Variants in CPLX2 observed in about 807,000 individuals in gnomAD.
CPLX2 encodes complexin-2.
Under a neutral mutation model 16.3 loss-of-function variants are expected in CPLX2, and 5 were observed. The ratio of observed to expected loss-of-function variants is 0.31; its 90% CI spans 0.16 to 0.64. The LOEUF (loss-of-function observed/expected upper bound fraction) is 0.64. Among genes scored for constraint, CPLX2 ranks in the 30% least tolerant of loss-of-function variants. The probability of loss-of-function intolerance (pLI) is 0.79; values close to 1 mark genes in which losing one functional copy is unlikely to be tolerated. For missense variants in CPLX2, 144 were observed against 181.4 expected, an observed-to-expected ratio of 0.79 and a Z score of 1.18; for synonymous variants, 89 against 73.2, an observed-to-expected ratio of 1.22 and a Z score of -1.10.
chr5:175,832,436 T>C (rs1373282870), intron 2 of CPLX2, among the ~76,000 whole-genome samples: 2 of 152,202 alleles, frequency 1.3e-5, no homozygotes, highest in Non-Finnish European at 2.9e-5. Flanking sequence ...TGAGTGTGGG[T>C]TCTTTCTGCC....
At chr5:175,878,848 C>G (rs1581107024) in intron 2 of CPLX2, 60 bp from the exon 3 acceptor site, 2 of 1,607,574 alleles carry the variant, frequency 1.2e-6, no homozygotes, top group East Asian at 2.2e-5. Context: ...CCCGGCCCCT[C>G]TCTCCCCAGC....
upstream of CPLX2, chr5:175,871,464 A>AGAGAGAGAGAGAGAGAGG (rs1759612550): frequency 5.4e-5 from 5 of 93,320 alleles, no homozygotes; most frequent in East Asian, 3.9e-4. Flanking sequence ...AGAGAGAGAG[A>AGAGAGAGAGAGAGAGAGG]GAGAGAGAGA....
chr5:175,818,432 G>A (rs1758447624), intron 2 of CPLX2, among the ~76,000 whole-genome samples: 3 of 152,058 alleles, frequency 2.0e-5, no homozygotes, highest in Non-Finnish European at 2.9e-5. Flanking sequence ...GGAAGGGCGA[G>A]TTGTTTTTCA....
At chr5:175,826,358 G>C (rs1478824746) in intron 2 of CPLX2, among the ~76,000 whole-genome samples, 1 of 152,166 alleles carries the variant, frequency 6.6e-6, no homozygotes, top group African/African-American at 2.4e-5. Flanking sequence ...GGTAGGGCAG[G>C]AGCGCAAGGC....
intron 2 of CPLX2, among the ~76,000 whole-genome samples, chr5:175,851,292 G>T (rs1176741579): frequency 6.6e-6 from 1 of 152,184 alleles, no homozygotes; most frequent in Non-Finnish European, 1.5e-5. Context: ...GTCAGGTCCA[G>T]TTGGGGCCAG....
At chr5:175,811,753 C>G (rs527986938) in intron 2 of CPLX2, among the ~76,000 whole-genome samples, 12 of 152,280 alleles carry the variant, frequency 7.9e-5, no homozygotes, top group African/African-American at 2.4e-4. Flanking sequence ...AGAGGCCTTT[C>G]AGAGAGGACC....
rs115197827 is a variant in CPLX2, at chr5:175,844,412, G to C, written c.-88-34240G>C. ...TACTGTGTACCAGGCACTGCGGTTA[G>C]AGGGGCCAATAGGGACAGACAAGAG... On this transcript the variant is annotated intron_variant, in intron 2 of 4. Transcript: ENST00000359546. Among the ~76,000 whole-genome samples, 1,086 of 152,360 alleles carry C rather than the reference G, an allele frequency of 7.1e-3. 9 individuals carry two copies. The highest frequency in any genetic ancestry group is 0.025 in the African/African-American group (1,028 of 41,582).
chr5:175,798,911 T>A (rs1758039140), intron 1 of CPLX2, among the ~76,000 whole-genome samples: 1 of 152,182 alleles, frequency 6.6e-6, no homozygotes, highest in South Asian at 2.1e-4. Context: ...GATTTTAACA[T>A]CAGTACAACT....
chr5:175,825,847 G>T (rs1380550436), intron 2 of CPLX2, among the ~76,000 whole-genome samples: 2 of 147,454 alleles, frequency 1.4e-5, no homozygotes, highest in African/African-American at 5.1e-5. Context: ...GACCCTGCTG[G>T]ACTTGCCACA....
chr5:175,857,692 T>C (rs1356050470), intron 2 of CPLX2, among the ~76,000 whole-genome samples: 1 of 152,218 alleles, frequency 6.6e-6, no homozygotes, highest in African/African-American at 2.4e-5. Context: ...GAATGTGTAT[T>C]GCTTTCACAC....
rs377563260 is a variant in CPLX2, at chr5:175,811,737, G to A, written c.-89+2669G>A. On this transcript the variant is annotated intron_variant, in intron 2 of 4. Coordinates refer to the CPLX2 transcript ENST00000359546. Reference sequence around the variant, plus strand: ...TTCTGGGGACATTACAGAGTGTCCCGAAGATAGAGGCCTTTCAGAGAGGAC... The same window carrying A: ...TTCTGGGGACATTACAGAGTGTCCCAAAGATAGAGGCCTTTCAGAGAGGAC... Among the ~76,000 whole-genome samples, 12 of 152,134 alleles carry A rather than the reference G, an allele frequency of 7.9e-5. No individual in the cohort carries two copies. In the East Asian group the frequency reaches 9.6e-4, roughly 12 times the overall value.
intron 2 of CPLX2, among the ~76,000 whole-genome samples, chr5:175,829,269 G>C (rs986532987): frequency 2.0e-5 from 3 of 152,258 alleles, no homozygotes; most frequent in African/African-American, 7.2e-5. Context: ...CTGCGGCTCA[G>C]CGAGGCCAGC....
intron 2 of CPLX2, among the ~76,000 whole-genome samples, chr5:175,812,501 T>C (rs1193129414): frequency 6.6e-6 from 1 of 152,044 alleles, no homozygotes; most frequent in East Asian, 1.9e-4. Context: ...CAGGTCAGAG[T>C]AAGATTTAGA....
At chr5:175,797,460 C>A (rs915662974) in intron 1 of CPLX2, among the ~76,000 whole-genome samples, 23 of 152,176 alleles carry the variant, frequency 1.5e-4, no homozygotes, top group Non-Finnish European at 8.8e-5. Context: ...AGGCTGAGGT[C>A]CCGGCGGGGA....
At chr5:175,829,002 G>A (rs986389204) in intron 2 of CPLX2, among the ~76,000 whole-genome samples, 7 of 152,116 alleles carry the variant, frequency 4.6e-5, no homozygotes, top group Admixed American at 2.0e-4. Context: ...AAACACACCT[G>A]ACTGGGCCTC....
intron 2 of CPLX2, among the ~76,000 whole-genome samples, chr5:175,816,585 G>A (rs1356546675): frequency 3.3e-5 from 5 of 152,346 alleles, no homozygotes; most frequent in African/African-American, 1.2e-4. Context: ...AATTCACTGA[G>A]TTCACGTTCT....
At chr5:175,805,544 G>A (rs1758182492) in intron 1 of CPLX2, 1 of 152,316 alleles carries the variant, frequency 6.6e-6, no homozygotes, top group African/African-American at 2.4e-5. Context: ...GGCTTTCCGT[G>A]TCCAGACCAC....
chr5:175,876,985 C>A lies in CPLX2; in HGVS notation c.-88-1667C>A, dbSNP rs73803082. Among the ~76,000 whole-genome samples, 276 of 152,244 alleles carry A rather than the reference C, an allele frequency of 1.8e-3. 1 individual carries two copies. Among genetic ancestry groups the A allele is most frequent in the African/African-American group, 6.5e-3 (268 of 41,528 alleles). ...AAGCCTGTTCCTTTTTGGCTTGTTC[C>A]ACAAATATGTAGTCGGCAACGGCTG... is the stretch of plus-strand genomic sequence containing the variant. On this transcript the variant is annotated intron_variant, in intron 1 of 3. Transcript: ENST00000393745.
At chr5:175,824,627 C>G (rs1758576456) in intron 2 of CPLX2, among the ~76,000 whole-genome samples, 1 of 152,202 alleles carries the variant, frequency 6.6e-6, no homozygotes, top group South Asian at 2.1e-4. Context: ...AAGAGGAGGG[C>G]AGGAGAAAGA....
Sources: gnomAD v4.1 joint callset for allele counts (sites outside exome capture counted in the v4.1 genomes callset) on GRCh38, gnomAD v4.1.1 for gene constraint, MANE v1.5 for transcripts, NCBI Gene and HGNC (gene_info 2026-07-23, HGNC 2026-07-21) for gene names.